RIMS1: variants seen among roughly 807,000 people sequenced by gnomAD.
The protein encoded by RIMS1 is regulating synaptic membrane exocytosis 1, also known as regulating synaptic membrane exocytosis protein 1.
A neutral mutation model predicts 214.1 loss-of-function variants in RIMS1; 83 were observed. The observed-to-expected ratio is 0.39, with a 90% CI of 0.32 to 0.47. RIMS1 has a LOEUF of 0.47. Ranked by LOEUF, RIMS1 falls within the 20% of genes least tolerant of loss-of-function variation. The pLI is 0.99. For missense variants in RIMS1, 2,050 were observed against 2,161.8 expected, an observed-to-expected ratio of 0.95 and a Z score of 1.03; for synonymous variants, 793 against 786.8, an observed-to-expected ratio of 1.01 and a Z score of -0.13.
chr6:72,229,974 AT>A (rs1381598901), intron 6 of RIMS1, among the ~76,000 whole-genome samples: 1 of 151,846 alleles, frequency 6.6e-6, no homozygotes, highest in Non-Finnish European at 1.5e-5. Context: ...GCATAAAAAC[AT>A]TCAATAAACA....
At chr6:72,259,137 C>T (rs776035114) in intron 18 of RIMS1, 26 bp downstream of exon 18, 70 of 1,599,210 alleles carry the variant, frequency 4.4e-5, no homozygotes, top group Non-Finnish European at 3.8e-5. Context: ...ATGATCTCAA[C>T]GTTATGAATT....
intron 6 of RIMS1, among the ~76,000 whole-genome samples, chr6:72,224,617 C>A (rs1370472853): frequency 6.6e-6 from 1 of 152,094 alleles, no homozygotes; most frequent in Non-Finnish European, 1.5e-5. Context: ...ATATTTAGGA[C>A]CCCTGGAAGA....
chr6:71,979,768 T>A (rs1200590857), intron 2 of RIMS1, among the ~76,000 whole-genome samples: 3 of 152,096 alleles, frequency 2.0e-5, no homozygotes, highest in African/African-American at 7.2e-5. Flanking sequence ...CAAATGCTCC[T>A]TACTATGCAT....
intron 2 of RIMS1, among the ~76,000 whole-genome samples, chr6:72,089,734 G>A (rs7742163): frequency 0.012 from 1,756 of 149,058 alleles, 41 homozygotes; most frequent in African/African-American, 0.041. Context: ...GTTTATTGCG[G>A]CATTATTCAC....
intron 28 of RIMS1, among the ~76,000 whole-genome samples, chr6:72,316,054 A>G (rs1259593344): frequency 6.6e-6 from 1 of 152,090 alleles, no homozygotes; most frequent in Non-Finnish European, 1.5e-5. Flanking sequence ...TGTTCCTATC[A>G]TGTGTAAGGA....
At chr6:71,897,969 A>C (rs1772364300) in intron 1 of RIMS1, among the ~76,000 whole-genome samples, 2 of 152,172 alleles carry the variant, frequency 1.3e-5, no homozygotes, top group African/African-American at 2.4e-5. Flanking sequence ...ACAAGAAGTG[A>C]GTTGAGTGCT....
At chr6:72,278,453 C>G (rs535646458) in intron 23 of RIMS1, among the ~76,000 whole-genome samples, 1 of 151,988 alleles carries the variant, frequency 6.6e-6, no homozygotes, top group African/African-American at 2.4e-5. Context: ...CAAGTGATTT[C>G]TTTTGATTTA....
chr6:72,297,781 C>T (rs537985890), intron 26 of RIMS1, among the ~76,000 whole-genome samples: 5 of 152,088 alleles, frequency 3.3e-5, no homozygotes, highest in Admixed American at 2.0e-4. Context: ...AGCCACTGAA[C>T]GTGGCTCTCA....
intron 1 of RIMS1, among the ~76,000 whole-genome samples, chr6:71,962,513 C>T (rs1382556331): frequency 6.6e-6 from 1 of 152,148 alleles, no homozygotes; most frequent in Non-Finnish European, 1.5e-5. Flanking sequence ...GTAACAGGAC[C>T]TGATGGTTTG....
At chr6:72,227,080 A>C (rs1326912764) in intron 6 of RIMS1, among the ~76,000 whole-genome samples, 5 of 152,020 alleles carry the variant, frequency 3.3e-5, no homozygotes, top group Non-Finnish European at 5.9e-5. Context: ...TCCAACTCGG[A>C]GTACAAAGTT....
chr6:71,951,919 A>G (rs960010400), intron 1 of RIMS1, among the ~76,000 whole-genome samples: 4 of 152,084 alleles, frequency 2.6e-5, no homozygotes, highest in Non-Finnish European at 5.9e-5. Context: ...ATAAGATAAT[A>G]TCCCTGCTCC....
At position 72,317,527 on chromosome 6, in the gene RIMS1, T is replaced by C. The variant is rs186431165; in HGVS notation, c.4130+3855T>C. 103 of 162,210 alleles carry C rather than the reference T, an allele frequency of 6.3e-4. No individual in the cohort carries two copies. In the East Asian group the frequency reaches 0.014, roughly 22 times the overall value. The allele number at this position is 162,210 out of a possible 1,614,324, so 10.0% of individuals were successfully genotyped here. On this transcript the variant is annotated intron_variant, in intron 28 of 33. Transcript: ENST00000521978. ...ACAATATAGATTAAATTATTTTATATTTTAAGTTGTGATAACAAATATAGA... is the reference window on the plus strand; with the variant it reads ...ACAATATAGATTAAATTATTTTATACTTTAAGTTGTGATAACAAATATAGA...
chr6:72,333,049 G>T (rs1328430404), intron 28 of RIMS1, among the ~76,000 whole-genome samples: 1 of 151,826 alleles, frequency 6.6e-6, no homozygotes, highest in Non-Finnish European at 1.5e-5. Flanking sequence ...AAAGCATTTT[G>T]TTGTTGTTGT....
intron 1 of RIMS1, among the ~76,000 whole-genome samples, chr6:71,940,415 G>A (rs1053836039): frequency 6.6e-6 from 1 of 152,166 alleles, no homozygotes; most frequent in Non-Finnish European, 1.5e-5. Flanking sequence ...CAATATGGTT[G>A]CATGGATGGA....
At chr6:72,146,112 T>C (rs1279258601) in intron 4 of RIMS1, among the ~76,000 whole-genome samples, 3 of 152,236 alleles carry the variant, frequency 2.0e-5, no homozygotes, top group Non-Finnish European at 4.4e-5. Flanking sequence ...TTTAGTTCAT[T>C]CAGTTAATTC....
intron 4 of RIMS1, among the ~76,000 whole-genome samples, chr6:72,120,846 A>G (rs931910018): frequency 6.6e-6 from 1 of 151,908 alleles, no homozygotes; most frequent in African/African-American, 2.4e-5. Context: ...TAAGGAAGGG[A>G]TGCAGTTAAC....
At chr6:71,960,837 A>G (rs1275708755) in intron 1 of RIMS1, among the ~76,000 whole-genome samples, 1 of 152,058 alleles carries the variant, frequency 6.6e-6, no homozygotes, top group Non-Finnish European at 1.5e-5. Flanking sequence ...AGTCTGCCCT[A>G]CCCAGGCCTA....
chr6:72,050,735 T>C (rs760190310), intron 2 of RIMS1, among the ~76,000 whole-genome samples: 3 of 152,132 alleles, frequency 2.0e-5, no homozygotes, highest in Non-Finnish European at 4.4e-5. Flanking sequence ...GATGAGCCCT[T>C]TGTGGGGTGT....
intron 2 of RIMS1, among the ~76,000 whole-genome samples, chr6:72,072,368 C>A (rs966201537): frequency 1.3e-5 from 2 of 152,116 alleles, no homozygotes; most frequent in African/African-American, 4.8e-5. Flanking sequence ...CATAAAACAT[C>A]AGGAGGAATG....
Sources: allele counts gnomAD v4.1 joint callset (sites outside exome capture counted in the v4.1 genomes callset), GRCh38; gene constraint gnomAD v4.1.1; transcripts MANE v1.5; gene names NCBI Gene and HGNC (gene_info 2026-07-23, HGNC 2026-07-21).